The following CTNND2 variants were observed in gnomAD, a reference collection of about 807,000 sequenced individuals.
CTNND2 encodes the protein catenin delta 2, also known as catenin delta-2.
A neutral mutation model predicts 144.4 loss-of-function variants in CTNND2; 22 were observed. The observed-to-expected ratio is 0.15, with a 90% confidence interval of 0.11 to 0.22. The LOEUF (loss-of-function observed/expected upper bound fraction) is 0.22. Among genes scored for constraint, CTNND2 ranks in the 10% least tolerant of loss-of-function variants. The probability of loss-of-function intolerance (pLI) is 1.00; values close to 1 mark genes in which losing one functional copy is unlikely to be tolerated. For synonymous variants in CTNND2, 751 were observed against 695.6 expected (o/e 1.08, Z -1.25); for missense variants, 1,353 against 1,618.8 (o/e 0.84, Z 2.82).
At chr5:11,567,006 C>T (rs2150110081) in intron 2 of CTNND2, among the ~76,000 whole-genome samples, 1 of 152,216 alleles carries the variant, frequency 6.6e-6, no homozygotes, top group East Asian at 1.9e-4. Flanking sequence ...CTTGACAGGC[C>T]TTCAAAAGGT....
chr5:11,293,449 G>C (rs868139979), intron 9 of CTNND2, among the ~76,000 whole-genome samples: 7 of 152,178 alleles, frequency 4.6e-5, no homozygotes, highest in African/African-American at 1.7e-4. Context: ...TTTATCAGAT[G>C]TGACATTTAA....
intron 3 of CTNND2, among the ~76,000 whole-genome samples, chr5:11,522,358 G>A (rs1016912495): frequency 2.6e-5 from 4 of 152,078 alleles, no homozygotes; most frequent in African/African-American, 9.7e-5. Flanking sequence ...CTTACATTAC[G>A]GCTTTAGTTT....
In CTNND2 at chr5:11,038,502, C is replaced by T. The variant is rs558648921; in HGVS notation, c.2789-15523G>A. On this transcript the variant is annotated intron_variant, in intron 16 of 21. Coordinates refer to ENST00000304623, the MANE Select transcript of CTNND2 (RefSeq NM_001332.4). ...CATGGAAAAATGGTCTTCCATGAAA[C>T]TGGTCCCTGCTGCCACAAAGGTTGG... Among the ~76,000 whole-genome samples, 15 of 152,342 alleles carry T rather than the reference C, an allele frequency of 9.8e-5. No homozygotes were observed. In the South Asian group the frequency reaches 1.9e-3, roughly 19 times the overall value.
intron 1 of CTNND2, among the ~76,000 whole-genome samples, chr5:11,874,380 C>T (rs1343731358): frequency 1.3e-5 from 2 of 152,098 alleles, no homozygotes; most frequent in African/African-American, 2.4e-5. Flanking sequence ...CACACACATA[C>T]CTATGATAAA....
At chr5:11,477,364 A>G (rs1042698663) in intron 3 of CTNND2, among the ~76,000 whole-genome samples, 1 of 148,588 alleles carries the variant, frequency 6.7e-6, no homozygotes, top group African/African-American at 2.5e-5. Flanking sequence ...AAAAATGTTT[A>G]TGAATACACA....
At chr5:11,563,326 G>A (rs530371659) in intron 3 of CTNND2, among the ~76,000 whole-genome samples, 1 of 152,332 alleles carries the variant, frequency 6.6e-6, no homozygotes, top group South Asian at 2.1e-4. Flanking sequence ...CAAGTCAATG[G>A]TGCATATGGA....
intron 2 of CTNND2, among the ~76,000 whole-genome samples, chr5:11,687,626 C>G (rs141960004): frequency 1.3e-5 from 2 of 152,160 alleles, no homozygotes; most frequent in Non-Finnish European, 2.9e-5. Flanking sequence ...GTTTTCCATA[C>G]AGTACTTGGC....
chr5:11,220,962 C>A (rs1471428961), intron 10 of CTNND2, among the ~76,000 whole-genome samples: 2 of 152,124 alleles, frequency 1.3e-5, no homozygotes, highest in East Asian at 3.9e-4. Context: ...AGAGTTAATG[C>A]CAACTCAGTG....
At chr5:11,217,044 A>G (rs1467874826) in intron 10 of CTNND2, among the ~76,000 whole-genome samples, 1 of 152,206 alleles carries the variant, frequency 6.6e-6, no homozygotes, top group Non-Finnish European at 1.5e-5. Flanking sequence ...CTATGTACCA[A>G]GAAGTACCAA....
At chr5:11,404,021 G>T (rs1028511760) in intron 5 of CTNND2, among the ~76,000 whole-genome samples, 2 of 152,062 alleles carry the variant, frequency 1.3e-5, no homozygotes, top group African/African-American at 4.8e-5. Flanking sequence ...AATTATAGAG[G>T]ACTCCAAAGA....
chr5:11,902,995 A>T, intron 1 of CTNND2: 1 of 168,804 alleles, frequency 5.9e-6, no homozygotes, highest in Non-Finnish European at 1.2e-5. Context: ...CTAGTGACTT[A>T]ATTCTGAAAG....
intron 5 of CTNND2, among the ~76,000 whole-genome samples, chr5:11,401,960 A>G (rs537134310): frequency 6.6e-6 from 1 of 152,334 alleles, no homozygotes; most frequent in South Asian, 2.1e-4. Flanking sequence ...GCATAGCCAC[A>G]TGGTCTGATA....
chr5:11,026,637 G>T lies in CTNND2; in HGVS notation c.2789-3658C>A, dbSNP rs566982788. On this transcript the variant is annotated intron_variant, in intron 16 of 21. Transcript: ENST00000304623. ...CTCCCAAAGTGCTGGGATTACAGGT[G>T]TAAGCCACCATGCACAGCTGACTCT... Among the ~76,000 whole-genome samples the T allele has an allele frequency of 8.5e-4, 129 of 152,196 alleles. 1 individual carries two copies. In the South Asian group the frequency reaches 0.023, roughly 27 times the overall value.
At chr5:11,564,441 A>C (rs974786720) in intron 3 of CTNND2, among the ~76,000 whole-genome samples, 1 of 152,214 alleles carries the variant, frequency 6.6e-6, no homozygotes, top group African/African-American at 2.4e-5. Flanking sequence ...TCACTAATTG[A>C]ATAATCATTT....
At chr5:11,303,145 C>T (rs1478852385) in intron 9 of CTNND2, among the ~76,000 whole-genome samples, 1 of 152,358 alleles carries the variant, frequency 6.6e-6, no homozygotes, top group Middle Eastern at 3.4e-3. Context: ...TTCCACTCAA[C>T]ACTTAGTCCA....
chr5:11,854,567 A>G (rs904033602), intron 1 of CTNND2, among the ~76,000 whole-genome samples: 11 of 152,218 alleles, frequency 7.2e-5, no homozygotes, highest in Non-Finnish European at 1.5e-4. Flanking sequence ...GCCTGGCTCA[A>G]AGAAAGAGCA....
At chr5:11,469,986 T>C (rs921296998) in intron 3 of CTNND2, among the ~76,000 whole-genome samples, 2 of 152,192 alleles carry the variant, frequency 1.3e-5, no homozygotes, top group African/African-American at 2.4e-5. Flanking sequence ...GCATATCCTA[T>C]GACTCAATAC....
chr5:11,173,765 T>A (rs1232595707), intron 11 of CTNND2, among the ~76,000 whole-genome samples: 1 of 152,206 alleles, frequency 6.6e-6, no homozygotes, highest in Non-Finnish European at 1.5e-5. Flanking sequence ...GAAATTCCCA[T>A]AACATACAGT....
At chr5:10,997,341 C>A (rs951590891) in intron 18 of CTNND2, among the ~76,000 whole-genome samples, 3 of 152,130 alleles carry the variant, frequency 2.0e-5, no homozygotes, top group African/African-American at 4.8e-5. Context: ...CGCCTGTAAT[C>A]CCAGCACTTT....
Sources: allele counts gnomAD v4.1 joint callset (sites outside exome capture counted in the v4.1 genomes callset), GRCh38; gene constraint gnomAD v4.1.1; transcripts MANE v1.5; gene names NCBI Gene and HGNC (gene_info 2026-07-23, HGNC 2026-07-21).